ADPGK: variants seen among roughly 807,000 people sequenced by gnomAD.
ADPGK encodes ADP dependent glucokinase.
In ADPGK, 26 loss-of-function variants were observed where a neutral mutation model predicts 42.4. That is an observed-to-expected ratio of 0.61 (90% confidence interval 0.45 to 0.85). ADPGK has a LOEUF of 0.85. Ranked by LOEUF, ADPGK falls within the 40% of genes least tolerant of loss-of-function variation. The pLI, the probability that ADPGK is intolerant of heterozygous loss-of-function variation, is 0.00. For missense variants in ADPGK, 571 were observed against 627.0 expected (o/e 0.91, Z 0.95); for synonymous variants, 267 against 252.6 (o/e 1.06, Z -0.54).
rs1345588431 is a variant in ADPGK at position 72,751,994 on chromosome 15, C to T, written c.*347G>A. On this transcript the variant is annotated 3_prime_UTR_variant, in exon 7 of 7. Coordinates refer to ENST00000456471, the MANE Select transcript of ADPGK (RefSeq NM_001365225.1). Reference sequence around the variant, plus strand: ...GAGACCAGGATGTTGGGTGAGTGGGCGTGCACTTCTCAAGTGGGCAAGGAA... The same window carrying T: ...GAGACCAGGATGTTGGGTGAGTGGGTGTGCACTTCTCAAGTGGGCAAGGAA... 5 of 246,642 alleles carry T rather than the reference C, an allele frequency of 2.0e-5. No homozygotes were observed. The highest frequency in any genetic ancestry group is 1.9e-4 in the East Asian group (2 of 10,680). 15.3% of individuals were successfully genotyped at this position (246,642 alleles called of 1,614,324 possible). A position where few individuals can be genotyped will look rare whatever the true frequency, so the allele number is the denominator to read the frequency against.
chr15:72,770,521 C>T (rs1595799643), intron 3 of ADPGK, among the ~76,000 whole-genome samples: 1 of 152,274 alleles, frequency 6.6e-6, no homozygotes, highest in East Asian at 1.9e-4. Context: ...ATGGCCTGGG[C>T]TCTCTCTAAA....
chr15:72,773,764 AATG>A (rs2066356028), intron 2 of ADPGK, among the ~76,000 whole-genome samples: 1 of 152,362 alleles, frequency 6.6e-6, no homozygotes, highest in Admixed American at 6.5e-5. Flanking sequence ...CAGTTGTCAA[AATG>A]ATAACTGAAA....
chr15:72,757,741 C>T (rs117690018), intron 4 of ADPGK: 2,592 of 198,248 alleles, frequency 0.013, 27 homozygotes, highest in Non-Finnish European at 0.018. Context: ...TCAACAAAGA[C>T]TCTGTACGAT....
chr15:72,758,726 T>C (rs533870806), intron 4 of ADPGK: 1 of 153,626 alleles, frequency 6.5e-6, no homozygotes, highest in Non-Finnish European at 1.4e-5. Context: ...AGCTGTCCAA[T>C]ACAACATCAA....
chr15:72,780,289 GGAGCCGTGCCGAGTGAATAGCAGGGAA>G (rs1259226782), intron 1 of ADPGK, among the ~76,000 whole-genome samples: 20 of 152,176 alleles, frequency 1.3e-4, no homozygotes, highest in African/African-American at 4.8e-4. Context: ...GTGTCAGGAA[GGAGCCGTGCCGAGTGAATAGCAGGGAA>G]GAGCCCCTTA....
intron 3 of ADPGK, among the ~76,000 whole-genome samples, chr15:72,761,215 C>CT (rs1186614675): frequency 6.6e-6 from 1 of 152,196 alleles, no homozygotes; most frequent in Non-Finnish European, 1.5e-5. Flanking sequence ...AAAGCAGACC[C>CT]TACCCCCACT....
At position 72,752,567 on chromosome 15, in the gene ADPGK, C is replaced by T. The variant is rs747602222; in HGVS notation, c.1268G>A (p.Ser423Asn). ...TTGGGGTGCCCTCAGAGACACTCGG[C>T]TGGTGTCTATGGTTTCTGTGGCGCA... ...QACATETIDT[S>N]RVSLRAPQEF... Residue 423 changes from serine (S) to asparagine (N), a missense_variant, in exon 7 of 7, where the codon AGC becomes AAC. By Grantham distance (46) the Ser-to-Asn change is conservative (BLOSUM62 1). Transcript: ENST00000456471. 5 of 1,614,220 alleles carry T rather than the reference C, an allele frequency of 3.1e-6. No individual in the cohort carries two copies. In the East Asian group the frequency reaches 6.7e-5, roughly 22 times the overall value.
chr15:72,780,076 G>A (rs138410131), intron 1 of ADPGK, among the ~76,000 whole-genome samples: 51 of 151,938 alleles, frequency 3.4e-4, no homozygotes, highest in African/African-American at 1.1e-3. Flanking sequence ...GAGAAGACTC[G>A]GTGACAATAT....
In ADPGK at chr15:72,783,671, G is replaced by A. The variant is rs1329573213; in HGVS notation, c.21C>T (p.Ser7=). ...CCAGCGCCAGGAAGCCCGCGTACGC[G>A]GAGCCGCGCCACAGCGCCATGGGGA... The part of the protein sequence containing the change: MALWRG[S]AYAGFLALAV... Residue 7 remains serine, a synonymous_variant, in exon 1 of 7, where the codon TCC becomes TCT. Coordinates refer to ENST00000456471, the MANE Select transcript of ADPGK (RefSeq NM_001365225.1). 7 of 1,503,118 alleles carry A rather than the reference G, an allele frequency of 4.7e-6. No individual in the cohort carries two copies. The South Asian group carries it at 7.5e-5, about 16-fold the overall frequency. 93.1% of individuals were successfully genotyped at this position (1,503,118 alleles called of 1,614,324 possible). A position where few individuals can be genotyped will look rare whatever the true frequency, so the allele number is the denominator to read the frequency against.
chr15:72,753,478 C>T (rs1176068471), intron 6 of ADPGK, among the ~76,000 whole-genome samples: 3 of 152,238 alleles, frequency 2.0e-5, no homozygotes, highest in African/African-American at 7.2e-5. Flanking sequence ...TGTTTTCTGT[C>T]TGATGGGGAA....
At chr15:72,772,297 A>G (rs1280310287) in intron 2 of ADPGK, among the ~76,000 whole-genome samples, 3 of 152,172 alleles carry the variant, frequency 2.0e-5, no homozygotes, top group African/African-American at 7.2e-5. Context: ...TTTCCTTACT[A>G]CCTTCATCTC....
rs2066494347 is a variant in ADPGK, at chr15:72,783,446, C to T, written c.233+13G>A. The T allele has an allele frequency of 7.4e-7, 1 of 1,356,492 alleles. No individual in the cohort carries two copies. Among genetic ancestry groups the T allele is most frequent in the Middle Eastern group, 2.7e-4 (1 of 3,678 alleles). The allele number at this position is 1,356,492 out of a possible 1,614,324, so 84.0% of individuals were successfully genotyped here. ...CTCGGAGGCTCAGAGACCCAGGCCC[C>T]GTTGGCACTCACCCCACTGCCACGC... On this transcript the variant is annotated intron_variant, in intron 1 of 6. Transcript: ENST00000456471.
chr15:72,768,023 C>G (rs549083077), intron 3 of ADPGK, among the ~76,000 whole-genome samples: 2 of 152,136 alleles, frequency 1.3e-5, no homozygotes. Flanking sequence ...TTATAAACCT[C>G]TAGCCAAGCT....
At chr15:72,782,097 C>T (rs1199588198) in intron 1 of ADPGK, among the ~76,000 whole-genome samples, 1 of 152,212 alleles carries the variant, frequency 6.6e-6, no homozygotes, top group African/African-American at 2.4e-5. Flanking sequence ...TCTGTTCTAG[C>T]AGCCCAAATG....
chr15:72,765,954 A>AT (rs1458525825), intron 3 of ADPGK, among the ~76,000 whole-genome samples: 3 of 152,212 alleles, frequency 2.0e-5, no homozygotes, highest in African/African-American at 7.2e-5. Context: ...GGAAGGTTTG[A>AT]GAGGACTGAC....
chr15:72,769,414 C>T (rs1487172390), intron 3 of ADPGK, among the ~76,000 whole-genome samples: 2 of 152,182 alleles, frequency 1.3e-5, no homozygotes, highest in Non-Finnish European at 2.9e-5. Flanking sequence ...GGCGCAATCT[C>T]GGCTCACTGC....
At chr15:72,770,127 G>T (rs1260448467) in intron 3 of ADPGK, among the ~76,000 whole-genome samples, 1 of 152,190 alleles carries the variant, frequency 6.6e-6, no homozygotes, top group Non-Finnish European at 1.5e-5. Flanking sequence ...GTGAAGTAAA[G>T]GCAGAGCCTG....
chr15:72,770,067 G>A (rs1328448143), intron 3 of ADPGK, among the ~76,000 whole-genome samples: 1 of 152,210 alleles, frequency 6.6e-6, no homozygotes, highest in Non-Finnish European at 1.5e-5. Context: ...AGTCCATGTT[G>A]AGAAGCATTT....
At chr15:72,776,976 T>G (rs2066399363) in intron 1 of ADPGK, among the ~76,000 whole-genome samples, 1 of 152,268 alleles carries the variant, frequency 6.6e-6, no homozygotes, top group East Asian at 1.9e-4. Flanking sequence ...TGATTTCTAG[T>G]AAAGAAACAC....
Sources: allele counts gnomAD v4.1 joint callset (sites outside exome capture counted in the v4.1 genomes callset), GRCh38; gene constraint gnomAD v4.1.1; transcripts MANE v1.5; gene names NCBI Gene and HGNC (gene_info 2026-07-23, HGNC 2026-07-21).